The following RIMBP2 variants were observed in gnomAD, a reference collection of about 807,000 sequenced individuals.
The protein encoded by RIMBP2 is RIMS binding protein 2.
A neutral mutation model predicts 118.6 loss-of-function variants in RIMBP2; 48 were observed. That is an observed-to-expected ratio of 0.40 (90% confidence interval 0.32 to 0.51). The LOEUF (loss-of-function observed/expected upper bound fraction) is 0.51, where lower values mean the gene tolerates loss of function less well. RIMBP2 is among the 20% of genes least tolerant of loss of function. RIMBP2 has a pLI of 0.41. For missense variants in RIMBP2, 1,551 were observed against 1,768.3 expected (o/e 0.88, Z 2.20); for synonymous variants, 762 against 742.9 (o/e 1.03, Z -0.42).
chr12:130,716,031 C>G (rs565174599), intron 1 of RIMBP2, among the ~76,000 whole-genome samples, 191 bp downstream of exon 1: 1 of 152,096 alleles, frequency 6.6e-6, no homozygotes. Context: ...CAGGGCGAGC[C>G]GCTGCTCCCC....
Position 130,545,974 on chromosome 12 carries a change from C to T in RIMBP2, c.-216-28057G>A, listed in dbSNP as rs1436491676. Among the ~76,000 whole-genome samples the T allele has an allele frequency of 2.0e-5, 3 of 152,174 alleles. No individual in the cohort carries two copies. The East Asian group carries it at 5.8e-4, about 29-fold the overall frequency. On this transcript the variant is annotated intron_variant, in intron 2 of 22. Transcript: ENST00000690449. ...GCGCAGTAGGGAAAAAATCTTAACA[C>T]AGCTTGGGTAAAGAAATGACTAAGA...
chr12:130,642,190 G>A (rs2062653012), intron 1 of RIMBP2, among the ~76,000 whole-genome samples: 1 of 152,218 alleles, frequency 6.6e-6, no homozygotes, highest in Admixed American at 6.5e-5. Context: ...AGAAAGAGAA[G>A]ATGGCTTCCC....
chr12:130,449,626 T>A (rs2078827823), intron 9 of RIMBP2, among the ~76,000 whole-genome samples: 2 of 151,876 alleles, frequency 1.3e-5, no homozygotes, highest in African/African-American at 4.8e-5. Flanking sequence ...AAAGACGCAC[T>A]CATGGACCAA....
At chr12:130,466,077 T>A (rs1016993335) in intron 6 of RIMBP2, 2 of 152,210 alleles carry the variant, frequency 1.3e-5, no homozygotes, top group African/African-American at 4.8e-5. Flanking sequence ...ATGAAGAAGA[T>A]CAAGTGAAAT....
At chr12:130,406,094 G>A (rs1372543164) in intron 21 of RIMBP2, 78 bp downstream of exon 21, 17 of 916,690 alleles carry the variant, frequency 1.9e-5, no homozygotes, top group South Asian at 1.5e-4. Context: ...GAGAAGGAAC[G>A]GACTAGCAAA....
At chr12:130,477,805 G>A (rs558961954) in intron 5 of RIMBP2, among the ~76,000 whole-genome samples, 8 of 152,318 alleles carry the variant, frequency 5.3e-5, no homozygotes, top group East Asian at 3.9e-4. Context: ...ATAAGCTGTC[G>A]GATGGATCGA....
At chr12:130,609,275 C>G (rs140372805) in intron 2 of RIMBP2, among the ~76,000 whole-genome samples, 1 of 152,060 alleles carries the variant, frequency 6.6e-6, no homozygotes, top group African/African-American at 2.4e-5. Flanking sequence ...TTCCCACTAG[C>G]CAAGGTGTGG....
At chr12:130,599,157 G>A (rs533953586) in intron 2 of RIMBP2, among the ~76,000 whole-genome samples, 19 of 152,222 alleles carry the variant, frequency 1.2e-4, no homozygotes, top group African/African-American at 3.4e-4. Flanking sequence ...CATCCTTCAC[G>A]ATACGCAAAA....
chr12:130,663,245 G>A (rs1417914218), intron 1 of RIMBP2, among the ~76,000 whole-genome samples: 1 of 152,132 alleles, frequency 6.6e-6, no homozygotes, highest in Non-Finnish European at 1.5e-5. Flanking sequence ...CCCCTCAGAA[G>A]TTGCTGTCAA....
chr12:130,516,354 C>G (rs763564253), intron 3 of RIMBP2, among the ~76,000 whole-genome samples: 2 of 152,224 alleles, frequency 1.3e-5, no homozygotes, highest in Non-Finnish European at 2.9e-5. Flanking sequence ...ACTGAGCACC[C>G]GCTATGCATC....
rs4759504 is a variant in RIMBP2 at position 130,648,178 on chromosome 12, A to G, written c.-351-19722T>C. Among the ~76,000 whole-genome samples, 589 of 141,218 alleles carry G rather than the reference A, an allele frequency of 4.2e-3. 80 individuals carry two copies. The highest frequency in any genetic ancestry group is 7.3e-3 in the Admixed American group (105 of 14,378). 92.6% of individuals were successfully genotyped at this position (141,218 alleles called of 152,430 possible). A position where few individuals can be genotyped will look rare whatever the true frequency, so the allele number is the denominator to read the frequency against. On this transcript the variant is annotated intron_variant, in intron 1 of 22. Coordinates refer to ENST00000690449, the MANE Select transcript of RIMBP2 (RefSeq NM_001393629.1). The stretch of plus-strand genomic sequence containing the variant: ...TTCTAAATTTTCAACAGTAAATACT[A>G]AAGATGAAAAAATGTTTCTCACAGC...
intron 1 of RIMBP2, among the ~76,000 whole-genome samples, chr12:130,664,415 A>ACACGCACGCACGCACACACACGCACG: frequency 7.7e-6 from 1 of 130,496 alleles, no homozygotes; most frequent in East Asian, 2.3e-4. Context: ...ACGCACGCAC[A>ACACGCACGCACGCACACACACGCACG]CACACGCACA....
At chr12:130,495,883 G>A (rs1221263216) in intron 4 of RIMBP2, among the ~76,000 whole-genome samples, 2 of 152,154 alleles carry the variant, frequency 1.3e-5, no homozygotes, top group Non-Finnish European at 2.9e-5. Context: ...TTGATCACAC[G>A]TAAACAACTA....
intron 2 of RIMBP2, among the ~76,000 whole-genome samples, chr12:130,577,979 T>C (rs1199686554): frequency 6.6e-6 from 1 of 152,228 alleles, no homozygotes; most frequent in Non-Finnish European, 1.5e-5. Context: ...TCAAACACCC[T>C]GCCATACATC....
chr12:130,684,111 C>T (rs998328346), intron 1 of RIMBP2, among the ~76,000 whole-genome samples: 26 of 152,134 alleles, frequency 1.7e-4, no homozygotes, highest in East Asian at 9.6e-4. Flanking sequence ...ATAAGAACCT[C>T]GGCCTCCACA....
rs1341771262 is a variant in RIMBP2 at position 130,532,505 on chromosome 12, T to G, written c.-216-14588A>C. Reference sequence around the variant, plus strand: ...GTTACGTCTAATGAGATGCGTGTGTTCAGCCTCTAGGAGTTACGTCTAATG... The same window carrying G: ...GTTACGTCTAATGAGATGCGTGTGTGCAGCCTCTAGGAGTTACGTCTAATG... On this transcript the variant is annotated intron_variant, in intron 2 of 22. Transcript: ENST00000690449. Among the ~76,000 whole-genome samples, 19 of 143,764 alleles carry G rather than the reference T, an allele frequency of 1.3e-4. No homozygotes were observed. In the South Asian group the frequency reaches 3.3e-3, roughly 25 times the overall value. 94.3% of individuals were successfully genotyped at this position (143,764 alleles called of 152,430 possible).
rs1472112027 is a variant in RIMBP2 at position 130,450,346 on chromosome 12, G to A, written c.505-70C>T. 17 of 1,216,890 alleles carry A rather than the reference G, an allele frequency of 1.4e-5. No individual in the cohort carries two copies. The highest frequency in any genetic ancestry group is 3.0e-5 in the African/African-American group (2 of 66,354). 75.4% of individuals were successfully genotyped at this position (1,216,890 alleles called of 1,614,324 possible). On this transcript the variant is annotated intron_variant, in intron 8 of 22. Transcript: ENST00000690449. The surrounding 1 kb of genome is among the most constrained non-coding windows in gnomAD (Gnocchi z 4.8). ...GTCCCACCCCATTCCCGCGGCACAC[G>A]GGAAAGCCCCTCGCAGCTTCCTGGG...
intron 1 of RIMBP2, among the ~76,000 whole-genome samples, chr12:130,654,218 C>T (rs1240101510): frequency 6.6e-6 from 1 of 152,176 alleles, no homozygotes; most frequent in African/African-American, 2.4e-5. Context: ...AACTTTAAGT[C>T]ATTTCTTTGC....
chr12:130,671,048 C>A (rs535869595), intron 1 of RIMBP2, among the ~76,000 whole-genome samples: 1 of 152,282 alleles, frequency 6.6e-6, no homozygotes, highest in African/African-American at 2.4e-5. Flanking sequence ...ACGTGAGCCA[C>A]CACACAGGCC....
Sources: gnomAD v4.1 joint callset for allele counts (sites outside exome capture counted in the v4.1 genomes callset) on GRCh38, gnomAD v4.1.1 for gene constraint, Gnocchi (gnomAD v3.1) non-coding constraint, MANE v1.5 for transcripts, NCBI Gene and HGNC (gene_info 2026-07-23, HGNC 2026-07-21) for gene names.